Variants in ITSN2 observed in about 807,000 individuals in gnomAD.
The protein encoded by ITSN2 is intersectin-2.
In ITSN2, 156 loss-of-function variants were observed where a neutral mutation model predicts 243.7. The observed-to-expected ratio is 0.64, with a 90% CI of 0.56 to 0.73. The LOEUF (loss-of-function observed/expected upper bound fraction) is 0.73. Among genes scored for constraint, ITSN2 ranks in the 30% least tolerant of loss-of-function variants. The probability of loss-of-function intolerance (pLI) is 0.00; values close to 1 mark genes in which losing one functional copy is unlikely to be tolerated. For missense variants in ITSN2, 1,801 were observed against 1,996.1 expected (o/e 0.90, Z 1.86); for synonymous variants, 703 against 699.9 (o/e 1.00, Z -0.07).
intron 23 of ITSN2, among the ~76,000 whole-genome samples, chr2:24,255,927 C>T (rs1218939062): frequency 1.3e-5 from 2 of 152,192 alleles, no homozygotes; most frequent in Non-Finnish European, 2.9e-5. Flanking sequence ...GTTGCACATG[C>T]CAGTAATCCC....
rs1352164233 is a variant in ITSN2, at chr2:24,301,971, G to A, written c.989C>T (p.Ser330Phe). Residue 330 changes from serine (S) to phenylalanine (F), a missense_variant, in exon 10 of 40, where the codon TCT becomes TTT. By Grantham distance (155) the Ser-to-Phe change is radical. Around this residue, in one of 5 missense-constraint regions of ITSN2, gnomAD observed 787 missense variants for 803.9 expected, o/e 0.98. Coordinates refer to ENST00000355123, the MANE Select transcript of ITSN2 (RefSeq NM_006277.3). The stretch of plus-strand genomic sequence containing the variant: ...CACCTCCAGGCACACTCACCTGAAA[G>A]ATGGAGGAACAAGCTCAGGAGGTAA... ...LTLPPELVPP[S>F]FRGGKQIDSI... is the part of the protein sequence containing the mutation. 20 of 1,608,720 alleles carry A rather than the reference G, an allele frequency of 1.2e-5. No homozygotes were observed. Among genetic ancestry groups the A allele is most frequent in the Non-Finnish European group, 1.3e-5 (15 of 1,177,218 alleles).
At chr2:24,318,808 C>A (rs1269998460) in intron 2 of ITSN2, among the ~76,000 whole-genome samples, 1 of 152,192 alleles carries the variant, frequency 6.6e-6, no homozygotes, top group Non-Finnish European at 1.5e-5. Flanking sequence ...GAATTCCCAA[C>A]CCCCAGGCCA....
Position 24,203,384 on chromosome 2 carries a change from AAC to A in ITSN2, c.*240_*241del. 2.6e-6 allele frequency: 1 copy of A among 388,606 alleles called. No homozygotes were observed. Among genetic ancestry groups the A allele is most frequent in the South Asian group, 9.4e-5 (1 of 10,662 alleles). 24.1% of individuals were successfully genotyped at this position (388,606 alleles called of 1,614,324 possible). A position where few individuals can be genotyped will look rare whatever the true frequency, so the allele number is the denominator to read the frequency against. ...AAATGGAAACCTTGGCATCTAAACA[AAC>A]AGAGCTGAACATGTGAACACTAGGA... On this transcript the variant is annotated 3_prime_UTR_variant, in exon 40 of 40. Coordinates refer to ENST00000355123, the MANE Select transcript of ITSN2 (RefSeq NM_006277.3).
chr2:24,330,728 T>G (rs1685691551), intron 1 of ITSN2: 3 of 609,604 alleles, frequency 4.9e-6, no homozygotes, highest in South Asian at 4.7e-5. Context: ...TTTGAAATAC[T>G]ATTTTTTATC....
intron 1 of ITSN2, among the ~76,000 whole-genome samples, chr2:24,356,652 G>A (rs1204600251): frequency 6.6e-6 from 1 of 152,058 alleles, no homozygotes; most frequent in African/African-American, 2.4e-5. Context: ...AGTGGCTCAA[G>A]CCTGTAATCC....
chr2:24,340,696 A>T (rs1250105119), intron 1 of ITSN2, among the ~76,000 whole-genome samples: 2 of 151,932 alleles, frequency 1.3e-5, no homozygotes, highest in Non-Finnish European at 2.9e-5. Flanking sequence ...TTTGTTCAGC[A>T]TTTGGTCTAT....
chr2:24,227,935 CAG>C (rs1671206971), intron 29 of ITSN2, among the ~76,000 whole-genome samples: 1 of 152,020 alleles, frequency 6.6e-6, no homozygotes, highest in Non-Finnish European at 1.5e-5. Context: ...TTAAGAGACA[CAG>C]AGGACAGAAT....
intron 13 of ITSN2, among the ~76,000 whole-genome samples, chr2:24,297,419 C>T (rs1301131675): frequency 6.6e-6 from 1 of 152,230 alleles, no homozygotes; most frequent in Non-Finnish European, 1.5e-5. Flanking sequence ...ACTTGACCCT[C>T]TAACATCTGA....
intron 29 of ITSN2, among the ~76,000 whole-genome samples, chr2:24,228,242 A>G (rs1407197302): frequency 2.0e-5 from 3 of 152,248 alleles, no homozygotes; most frequent in Non-Finnish European, 2.9e-5. Context: ...ATAACTGTCC[A>G]GCTAAAAATC....
At position 24,208,336 on chromosome 2, in the gene ITSN2, G is replaced by A. The variant is rs1458003046; in HGVS notation, c.4596-17C>T. Reference sequence around the variant, plus strand: ...CAGGCGGTCCTACGGGAGAAGCAGGGGCAGCCGTTGGCCGCATCCCACCCT... The same window carrying A: ...CAGGCGGTCCTACGGGAGAAGCAGGAGCAGCCGTTGGCCGCATCCCACCCT... On this transcript the variant is annotated splice_polypyrimidine_tract_variant and intron_variant, in intron 36 of 39. Coordinates refer to ENST00000355123, the MANE Select transcript of ITSN2 (RefSeq NM_006277.3). 3.7e-6 allele frequency: 6 copies of A among 1,603,820 alleles called. No individual in the cohort carries two copies. In the African/African-American group the frequency reaches 8.0e-5, roughly 21 times the overall value.
At chr2:24,345,390 A>G (rs1000638618) in intron 1 of ITSN2, among the ~76,000 whole-genome samples, 2 of 152,194 alleles carry the variant, frequency 1.3e-5, no homozygotes, top group African/African-American at 4.8e-5. Flanking sequence ...CAAGATAACC[A>G]TATCAGCCAC....
intron 9 of ITSN2, among the ~76,000 whole-genome samples, chr2:24,302,732 C>T (rs1175699345): frequency 6.6e-6 from 1 of 152,152 alleles, no homozygotes; most frequent in Non-Finnish European, 1.5e-5. Flanking sequence ...GCTTGTCTTA[C>T]TCCATGGTTA....
At chr2:24,279,895 G>A (rs1159692468) in intron 17 of ITSN2, among the ~76,000 whole-genome samples, 1 of 151,872 alleles carries the variant, frequency 6.6e-6, no homozygotes, top group African/African-American at 2.4e-5. Flanking sequence ...ACCATGCCCG[G>A]CTAATTTTTT....
At position 24,271,954 on chromosome 2, in the gene ITSN2, GAA is replaced by G. The variant is rs1677413465; in HGVS notation, c.2082-15_2082-14del. ...TTGCTTTGCTTTCCTTTACATAAAAGAAAAAGAGTTTGTATAATGTCCTAGAA... is the reference window on the plus strand; with the variant it reads ...TTGCTTTGCTTTCCTTTACATAAAAGAAAGAGTTTGTATAATGTCCTAGAA... On this transcript the variant is annotated splice_polypyrimidine_tract_variant and intron_variant, in intron 18 of 39. Coordinates refer to ENST00000355123, the MANE Select transcript of ITSN2 (RefSeq NM_006277.3). The G allele has an allele frequency of 1.4e-6, 2 of 1,382,808 alleles. No homozygotes were observed. Among genetic ancestry groups the G allele is most frequent in the Non-Finnish European group, 9.6e-7 (1 of 1,039,708 alleles). The allele number at this position is 1,382,808 out of a possible 1,614,324, so 85.7% of individuals were successfully genotyped here.
chr2:24,335,800 G>T (rs1686298332), intron 1 of ITSN2, among the ~76,000 whole-genome samples: 1 of 151,626 alleles, frequency 6.6e-6, no homozygotes, highest in South Asian at 2.1e-4. Flanking sequence ...ACCATGCCCA[G>T]CTAATTTTTG....
chr2:24,340,298 T>C (rs1226409686), intron 1 of ITSN2, among the ~76,000 whole-genome samples: 2 of 151,976 alleles, frequency 1.3e-5, no homozygotes, highest in Admixed American at 6.6e-5. Flanking sequence ...CTGGCCAAGA[T>C]GGTATAACCC....
intron 1 of ITSN2, chr2:24,334,565 C>T (rs1292403100): frequency 2.1e-6 from 2 of 956,642 alleles, no homozygotes; most frequent in Non-Finnish European, 3.3e-6. Flanking sequence ...GTGGCAAGCA[C>T]CAACCCTGCA....
chr2:24,322,664 T>C (rs930602694), intron 2 of ITSN2, among the ~76,000 whole-genome samples: 3 of 152,196 alleles, frequency 2.0e-5, no homozygotes, highest in Non-Finnish European at 4.4e-5. Flanking sequence ...GATTTTGGAT[T>C]ATGCAATGAC....
At position 24,278,841 on chromosome 2, in the gene ITSN2, G is replaced by A. The variant is rs187500876; in HGVS notation, c.1945-2992C>T. 6.1e-3 allele frequency among the ~76,000 whole-genome samples: 930 copies of A among 151,864 alleles called. 10 individuals carry two copies. Among genetic ancestry groups the A allele is most frequent in the South Asian group, 0.021 (103 of 4,808 alleles). ...TAATTTTTGCATTTTTAGTAGAGAC[G>A]GGGTTTTACCATGTTGGCCAGGCTG... On this transcript the variant is annotated intron_variant, in intron 17 of 39. Coordinates refer to ENST00000355123, the MANE Select transcript of ITSN2 (RefSeq NM_006277.3).
Sources: gnomAD v4.1 joint callset for allele counts (sites outside exome capture counted in the v4.1 genomes callset) on GRCh38, gnomAD v4.1.1 for gene constraint, gnomAD v4.1.1 regional missense constraint, MANE v1.5 for transcripts, NCBI Gene and HGNC (gene_info 2026-07-23, HGNC 2026-07-21) for gene names.